The following OR6C74 variants were observed in gnomAD, a reference collection of about 807,000 sequenced individuals.
The protein encoded by OR6C74 is olfactory receptor 6C74.
For missense variants in OR6C74, 361 were observed against 362.9 expected (o/e 0.99, Z 0.04); for synonymous variants, 142 against 134.2 (o/e 1.06, Z -0.40).
At position 55,252,169 on chromosome 12, in the gene OR6C74, AC is replaced by A. The variant is rs1315326922; in HGVS notation, c.*3944del. Among the ~76,000 whole-genome samples, 1 of 151,754 alleles carries A rather than the reference AC, an allele frequency of 6.6e-6. No individual in the cohort carries two copies. Among genetic ancestry groups the A allele is most frequent in the African/African-American group, 2.4e-5 (1 of 41,422 alleles). ...TTTAATAATATAACTTTACAGTATA[AC>A]TTTTAATTTTACTTATGGTACAAAT... On this transcript the variant is annotated 3_prime_UTR_variant, in exon 2 of 2. Transcript: ENST00000343399.
rs746377620 is a variant in OR6C74, at chr12:55,247,250, C to A, written c.-9-29C>A. ...TCATGCAGACCTTTCCTCTTCTGTT[C>A]TAATTTTTCTTCTTATTTTTAAAAA... On this transcript the variant is annotated intron_variant, in intron 1 of 1. Coordinates refer to ENST00000343399, the MANE Select transcript of OR6C74 (RefSeq NM_001005490.2). 1.1e-5 allele frequency: 15 copies of A among 1,321,864 alleles called. No individual in the cohort carries two copies. In the East Asian group the frequency reaches 3.2e-4, roughly 28 times the overall value. The allele number at this position is 1,321,864 out of a possible 1,614,324, so 81.9% of individuals were successfully genotyped here.
At chr12:55,247,049 C>T in intron 1 of OR6C74, 1 of 398,888 alleles carries the variant, frequency 2.5e-6, no homozygotes. Context: ...CATATTATCC[C>T]TTCGCAATGC....
chr12:55,248,352 G>C lies in OR6C74; in HGVS notation c.*126G>C, dbSNP rs1258082064. The C allele has an allele frequency of 1.6e-6, 1 of 624,572 alleles. No individual in the cohort carries two copies. The highest frequency in any genetic ancestry group is 1.9e-5 in the African/African-American group (1 of 53,994). The allele number at this position is 624,572 out of a possible 1,614,324, so 38.7% of individuals were successfully genotyped here. ...TTTTTGACTTATAATTTTCATTATG[G>C]CCTTCCTAATCTCCAAAGCCTAACC... On this transcript the variant is annotated 3_prime_UTR_variant, in exon 2 of 2. Transcript: ENST00000343399.
rs1340530775 is a variant in OR6C74, at chr12:55,247,512, C to A, written c.225C>A (p.Tyr75Ter). 6.2e-7 allele frequency: 1 copy of A among 1,613,038 alleles called. No individual in the cohort carries two copies. The highest frequency in any genetic ancestry group is 8.5e-7 in the Non-Finnish European group (1 of 1,179,430). ...TAGAAGTCTCATTCACAACTGTCTA[C>A]ATTCCCAAATTTCTTGTTAGTATGG... is the stretch of plus-strand genomic sequence containing the variant. The part of the protein sequence containing the change: ...SFLEVSFTTV[Y>*]IPKFLVSMAT... The change falls in exon 2 of 2, where the codon TAC (tyrosine) becomes TAA (stop). Residue 75 changes from tyrosine (Y) to a stop codon, truncating the protein, a stop_gained. Transcript: ENST00000343399. LOFTEE classifies it low-confidence loss of function (END_TRUNC).
rs953795998 is a variant in OR6C74, at chr12:55,251,044, G to A, written c.*2818G>A. On this transcript the variant is annotated 3_prime_UTR_variant, in exon 2 of 2. Coordinates refer to ENST00000343399, the MANE Select transcript of OR6C74 (RefSeq NM_001005490.2). ...ACTAATACATTATTGATGGTTCTCC[G>A]TTGCCTGCAAAATAATGACAAAATT... 3.9e-5 allele frequency among the ~76,000 whole-genome samples: 6 copies of A among 151,970 alleles called. No individual in the cohort carries two copies. The highest frequency in any genetic ancestry group is 1.9e-4 in the East Asian group (1 of 5,178).
intron 1 of OR6C74, among the ~76,000 whole-genome samples, 65 bp downstream of exon 1, chr12:55,244,882 A>AT (rs927235271): frequency 6.6e-6 from 1 of 152,022 alleles, no homozygotes; most frequent in African/African-American, 2.4e-5. Flanking sequence ...GCATTAATGT[A>AT]TTTTTTGGAT....
Position 55,251,512 on chromosome 12 carries a change from T to C in OR6C74, c.*3286T>C, listed in dbSNP as rs1179394631. Among the ~76,000 whole-genome samples, 2 of 152,000 alleles carry C rather than the reference T, an allele frequency of 1.3e-5. No homozygotes were observed. Among genetic ancestry groups the C allele is most frequent in the East Asian group, 3.9e-4 (2 of 5,178 alleles). On this transcript the variant is annotated 3_prime_UTR_variant, in exon 2 of 2. Coordinates refer to ENST00000343399, the MANE Select transcript of OR6C74 (RefSeq NM_001005490.2). ...GAGATGAGTGAAGTTAATATGTTCA[T>C]CTATAAAATAAGATTAAAATGTGGC...
rs996309647 is a variant in OR6C74, at chr12:55,247,906, G to T, written c.619G>T (p.Val207Phe). 6.2e-7 allele frequency: 1 copy of T among 1,613,814 alleles called. No individual in the cohort carries two copies. The highest frequency in any genetic ancestry group is 8.5e-7 in the Non-Finnish European group (1 of 1,179,888). ...TCTCTCAGCCATTTTGACGCTCCTG[G>T]TTACACTGGTATTAGTGATTCTCTC... is the stretch of plus-strand genomic sequence containing the variant. ...MLLSAILTLL[V>F]TLVLVILSYT... Residue 207 changes from valine (V) to phenylalanine (F), a missense_variant, in exon 2 of 2, where the codon GTT becomes TTT. Val to Phe is a conservative substitution (Grantham distance 50). Transcript: ENST00000343399.
Position 55,256,233 on chromosome 12 carries a change from G to C in OR6C74, c.*8007G>C, listed in dbSNP as rs112844036. On this transcript the variant is annotated 3_prime_UTR_variant, in exon 2 of 2. Transcript: ENST00000343399. ...TGTTCATAGCTCTGGGAATGGAATG[G>C]GACCCTTGTGTAGAGCCTATAAATG... 0.091 allele frequency among the ~76,000 whole-genome samples: 13,840 copies of C among 151,984 alleles called. 1,388 individuals carry two copies. Among genetic ancestry groups the C allele is most frequent in the African/African-American group, 0.26 (10,592 of 41,394 alleles).
intron 1 of OR6C74, among the ~76,000 whole-genome samples, chr12:55,246,812 T>C (rs1222003649): frequency 6.6e-6 from 1 of 152,046 alleles, no homozygotes; most frequent in Non-Finnish European, 1.5e-5. Flanking sequence ...TTTGCTTTGA[T>C]CTTAAAAGAC....
rs1954327599 is a variant in OR6C74 at position 55,254,084 on chromosome 12, T to C, written c.*5858T>C. On this transcript the variant is annotated 3_prime_UTR_variant, in exon 2 of 2. Coordinates refer to ENST00000343399, the MANE Select transcript of OR6C74 (RefSeq NM_001005490.2). ...AGTAACCACACTGAATATGCTCATA[T>C]CAGTTAAGTGCTATTACATAGCCTC... is the stretch of plus-strand genomic sequence containing the variant. Among the ~76,000 whole-genome samples the C allele has an allele frequency of 1.3e-5, 2 of 152,110 alleles. No homozygotes were observed. The highest frequency in any genetic ancestry group is 2.1e-4 in the South Asian group (1 of 4,834).
chr12:55,247,265 A>AT lies in OR6C74; in HGVS notation c.-9-9dup. ...CTCTTCTGTTCTAATTTTTCTTCTTATTTTTAAAAATAGAAATCAACTATG... is the reference window on the plus strand; with the variant it reads ...CTCTTCTGTTCTAATTTTTCTTCTTATTTTTTAAAAATAGAAATCAACTATG... On this transcript the variant is annotated splice_polypyrimidine_tract_variant and intron_variant, in intron 1 of 1. Transcript: ENST00000343399. 2 of 1,430,954 alleles carry AT rather than the reference A, an allele frequency of 1.4e-6. No individual in the cohort carries two copies. Among genetic ancestry groups the AT allele is most frequent in the African/African-American group, 1.4e-5 (1 of 70,036 alleles). 88.6% of individuals were successfully genotyped at this position (1,430,954 alleles called of 1,614,324 possible). A position where few individuals can be genotyped will look rare whatever the true frequency, so the allele number is the denominator to read the frequency against.
At chr12:55,246,486 CT>C (rs1360682208) in intron 1 of OR6C74, among the ~76,000 whole-genome samples, 1 of 152,184 alleles carries the variant, frequency 6.6e-6, no homozygotes, top group Non-Finnish European at 1.5e-5. Context: ...TTCCAAGTAG[CT>C]GGGATTACAG....
At position 55,244,615 on chromosome 12, in the gene OR6C74, T is replaced by G. The variant is rs1954259398; in HGVS notation, c.-212T>G. On this transcript the variant is annotated 5_prime_UTR_variant, in exon 1 of 2. Coordinates refer to ENST00000343399, the MANE Select transcript of OR6C74 (RefSeq NM_001005490.2). ...ACTATAAGCTATCGTATTCCTCGTA[T>G]AGACTAGAAACACCTCAGCGTGAAC... 6.6e-6 allele frequency among the ~76,000 whole-genome samples: 1 copy of G among 152,138 alleles called. No homozygotes were observed. Among genetic ancestry groups the G allele is most frequent in the Non-Finnish European group, 1.5e-5 (1 of 67,972 alleles).
intron 1 of OR6C74, 77 bp from the exon 2 acceptor site, chr12:55,247,202 G>T: frequency 1.3e-6 from 1 of 773,504 alleles, no homozygotes; most frequent in South Asian, 1.9e-5. Flanking sequence ...TCTTTATGGT[G>T]GATTTCAAGA....
chr12:55,253,644 A>G lies in OR6C74; in HGVS notation c.*5418A>G, dbSNP rs1160474412. 6.6e-6 allele frequency among the ~76,000 whole-genome samples: 1 copy of G among 152,096 alleles called. No individual in the cohort carries two copies. Among genetic ancestry groups the G allele is most frequent in the East Asian group, 1.9e-4 (1 of 5,184 alleles). ...TTATAAGTAAACACACTGGCATTTT[A>G]TAGTCATTGTAATTAAGCTTAGCTC... On this transcript the variant is annotated 3_prime_UTR_variant, in exon 2 of 2. Transcript: ENST00000343399.
In OR6C74 at chr12:55,252,997, A is replaced by G. The variant is rs550570699; in HGVS notation, c.*4771A>G. Among the ~76,000 whole-genome samples the G allele has an allele frequency of 9.9e-5, 15 of 151,820 alleles. No individual in the cohort carries two copies. Among genetic ancestry groups the G allele is most frequent in the Middle Eastern group, 3.2e-3 (1 of 316 alleles). ...ACAACCCTTTAAAAATGTAAAATAC[A>G]TCTCAGGATCTCAGGTGGAAGTCTG... On this transcript the variant is annotated 3_prime_UTR_variant, in exon 2 of 2. Coordinates refer to ENST00000343399, the MANE Select transcript of OR6C74 (RefSeq NM_001005490.2).
At position 55,255,319 on chromosome 12, in the gene OR6C74, G is replaced by T. The variant is rs7978249; in HGVS notation, c.*7093G>T. On this transcript the variant is annotated 3_prime_UTR_variant, in exon 2 of 2. Transcript: ENST00000343399. ...CAGATGTTGGTGAGGATGTGGAGAA[G>T]TAGGAACACTTTTACACTGTTGGTG... 6.6e-6 allele frequency among the ~76,000 whole-genome samples: 1 copy of T among 152,014 alleles called. No individual in the cohort carries two copies. Among genetic ancestry groups the T allele is most frequent in the South Asian group, 2.1e-4 (1 of 4,828 alleles).
Position 55,253,065 on chromosome 12 carries a change from T to A in OR6C74, c.*4839T>A, listed in dbSNP as rs1203242313. On this transcript the variant is annotated 3_prime_UTR_variant, in exon 2 of 2. Coordinates refer to ENST00000343399, the MANE Select transcript of OR6C74 (RefSeq NM_001005490.2). ...GCCTGTGGGCTATGGTTTGCTGGCC[T>A]GTGGAATAAATGATGGCAAAGGGCT... is the stretch of plus-strand genomic sequence containing the variant. Among the ~76,000 whole-genome samples, 4 of 152,036 alleles carry A rather than the reference T, an allele frequency of 2.6e-5. No homozygotes were observed. Among genetic ancestry groups the A allele is most frequent in the Admixed American group, 2.6e-4 (4 of 15,234 alleles).
Sources: gnomAD v4.1 joint callset for allele counts (sites outside exome capture counted in the v4.1 genomes callset) on GRCh38, gnomAD v4.1.1 for gene constraint, MANE v1.5 for transcripts, NCBI Gene and HGNC (gene_info 2026-07-23, HGNC 2026-07-21) for gene names.